The following PTPRD variants were observed in gnomAD, a reference collection of about 807,000 sequenced individuals.
PTPRD encodes protein tyrosine phosphatase receptor type D.
A neutral mutation model predicts 214.5 loss-of-function variants in PTPRD; 34 were observed. That is an observed-to-expected ratio of 0.16 (90% CI 0.12 to 0.21). The LOEUF (loss-of-function observed/expected upper bound fraction) is 0.21, where lower values mean the gene tolerates loss of function less well. PTPRD is among the 10% of genes least tolerant of loss of function. The pLI is 1.00. For missense variants in PTPRD, 2,545 were observed against 2,398.7 expected, an observed-to-expected ratio of 1.06 and a Z score of -1.27; for synonymous variants, 1,128 against 845.7, an observed-to-expected ratio of 1.33 and a Z score of -5.79.
chr9:10,343,226 T>C (rs1401016560), intron 2 of PTPRD, among the ~76,000 whole-genome samples: 2 of 151,932 alleles, frequency 1.3e-5, no homozygotes, highest in Non-Finnish European at 2.9e-5. Flanking sequence ...GAACGTGCGA[T>C]GTTTGGTTTT....
intron 5 of PTPRD, among the ~76,000 whole-genome samples, chr9:9,839,216 A>G (rs1178515564): frequency 2.6e-5 from 4 of 152,116 alleles, no homozygotes; most frequent in Admixed American, 2.6e-4. Flanking sequence ...ATTAGGCAGG[A>G]GAAGGAAATA....
At chr9:9,295,739 T>G (rs1033669520) in intron 9 of PTPRD, among the ~76,000 whole-genome samples, 9 of 151,810 alleles carry the variant, frequency 5.9e-5, no homozygotes, top group African/African-American at 2.2e-4. Flanking sequence ...GAAGCTTAAT[T>G]TCTTTGAAAT....
chr9:8,715,545 G>T (rs1193193392), intron 12 of PTPRD, among the ~76,000 whole-genome samples: 1 of 152,110 alleles, frequency 6.6e-6, no homozygotes. Context: ...CAAAATACAG[G>T]ATTTGAACTC....
intron 4 of PTPRD, among the ~76,000 whole-genome samples, chr9:9,966,100 G>C (rs1372581077): frequency 1.3e-5 from 2 of 152,014 alleles, no homozygotes; most frequent in Admixed American, 6.6e-5. Context: ...CTATGCCCTC[G>C]ACTCTACTGG....
chr9:9,352,327 A>ATGTGTGTGTG (rs1055505531), intron 9 of PTPRD, among the ~76,000 whole-genome samples: 2 of 68,442 alleles, frequency 2.9e-5, no homozygotes, highest in African/African-American at 8.8e-5. Flanking sequence ...ATATATATAT[A>ATGTGTGTGTG]TGTGTGTGTG....
At chr9:9,816,399 T>A (rs776522327) in intron 5 of PTPRD, among the ~76,000 whole-genome samples, 235 of 152,200 alleles carry the variant, frequency 1.5e-3, no homozygotes, top group Non-Finnish European at 3.0e-3. Flanking sequence ...TAAATAGCCT[T>A]ATGTTCCACA....
In PTPRD at chr9:8,608,478, C is replaced by T. The variant is rs545444941; in HGVS notation, c.352+24839G>A. ...AGCGCTCCCTGTTCACCCAGCAGAG[C>T]GCTCAAATCTAAAGCAACTGGTATA... On this transcript the variant is annotated intron_variant, in intron 14 of 45. Coordinates refer to ENST00000381196, the MANE Select transcript of PTPRD (RefSeq NM_002839.4). 4.6e-5 allele frequency among the ~76,000 whole-genome samples: 7 copies of T among 152,172 alleles called. No homozygotes were observed. The South Asian group carries it at 1.5e-3, about 32-fold the overall frequency.
chr9:8,390,110 C>T (rs1233096780), intron 36 of PTPRD, among the ~76,000 whole-genome samples: 1 of 152,154 alleles, frequency 6.6e-6, no homozygotes, highest in Non-Finnish European at 1.5e-5. Flanking sequence ...AGGACAGCTG[C>T]CCCCTAATTG....
chr9:8,646,178 G>C (rs1245148818), intron 12 of PTPRD, among the ~76,000 whole-genome samples: 1 of 152,084 alleles, frequency 6.6e-6, no homozygotes, highest in African/African-American at 2.4e-5. Flanking sequence ...ATGCAACCAG[G>C]ATTGAGAATT....
chr9:8,784,542 A>C (rs1310714181), intron 11 of PTPRD, among the ~76,000 whole-genome samples: 1 of 152,190 alleles, frequency 6.6e-6, no homozygotes, highest in Non-Finnish European at 1.5e-5. Context: ...AATCCTTTTA[A>C]ACAGAATCTG....
At chr9:10,117,432 T>C (rs549660077) in intron 3 of PTPRD, among the ~76,000 whole-genome samples, 6 of 152,216 alleles carry the variant, frequency 3.9e-5, no homozygotes, top group African/African-American at 1.4e-4. Flanking sequence ...ATTTATTCTG[T>C]CACAGTTCTG....
chr9:9,793,161 A>G (rs540790764), intron 5 of PTPRD, among the ~76,000 whole-genome samples: 26 of 152,228 alleles, frequency 1.7e-4, no homozygotes, highest in Non-Finnish European at 3.4e-4. Flanking sequence ...TTGCCATGAC[A>G]AAATTATTTT....
At chr9:10,576,666 G>A (rs991562707) in intron 2 of PTPRD, among the ~76,000 whole-genome samples, 20 of 108,698 alleles carry the variant, frequency 1.8e-4, no homozygotes, top group African/African-American at 6.5e-4. Context: ...ACCATGTTGA[G>A]AAAACATAAA....
intron 7 of PTPRD, among the ~76,000 whole-genome samples, chr9:9,713,969 A>G (rs1486309371): frequency 6.6e-6 from 1 of 151,996 alleles, no homozygotes; most frequent in Non-Finnish European, 1.5e-5. Flanking sequence ...TTACTTGTAG[A>G]CACCAGCAAG....
chr9:10,611,957 C>G (rs909992920), intron 2 of PTPRD, among the ~76,000 whole-genome samples: 17 of 139,496 alleles, frequency 1.2e-4, no homozygotes, highest in Non-Finnish European at 2.3e-4. Flanking sequence ...GATAAAACAA[C>G]CAACCAACTG....
chr9:9,886,018 G>C (rs1051323292), intron 5 of PTPRD, among the ~76,000 whole-genome samples: 1 of 151,548 alleles, frequency 6.6e-6, no homozygotes, highest in African/African-American at 2.4e-5. Context: ...AAAATGAAAA[G>C]GATAAACAGT....
At chr9:8,852,140 T>C (rs1436952127) in intron 11 of PTPRD, among the ~76,000 whole-genome samples, 2 of 152,148 alleles carry the variant, frequency 1.3e-5, no homozygotes, top group African/African-American at 2.4e-5. Context: ...GTACAATTTC[T>C]CCAAACCCCA....
chr9:9,116,398 A>G, intron 10 of PTPRD, among the ~76,000 whole-genome samples: 1 of 152,138 alleles, frequency 6.6e-6, no homozygotes, highest in East Asian at 1.9e-4. Context: ...GTTCTCACTC[A>G]TAAGTGAGAG....
At chr9:8,576,700 T>A (rs890385361) in intron 14 of PTPRD, among the ~76,000 whole-genome samples, 1 of 151,592 alleles carries the variant, frequency 6.6e-6, no homozygotes, top group Non-Finnish European at 1.5e-5. Flanking sequence ...TAGTTGCATG[T>A]TTCCTGAAAA....
Sources: allele counts gnomAD v4.1 joint callset (sites outside exome capture counted in the v4.1 genomes callset), GRCh38; gene constraint gnomAD v4.1.1; transcripts MANE v1.5; gene names NCBI Gene and HGNC (gene_info 2026-07-23, HGNC 2026-07-21).